MECOM: variants seen among roughly 807,000 people sequenced by gnomAD.
MECOM encodes histone-lysine N-methyltransferase MECOM.
A neutral mutation model predicts 116.3 loss-of-function variants in MECOM; 13 were observed. That is an observed-to-expected ratio of 0.11 (90% CI 0.07 to 0.18). The LOEUF (loss-of-function observed/expected upper bound fraction) is 0.18. Ranked by LOEUF, MECOM falls within the 10% of genes least tolerant of loss-of-function variation. The pLI, the probability that MECOM is intolerant of heterozygous loss-of-function variation, is 1.00. For synonymous variants in MECOM, 528 were observed against 535.2 expected, an observed-to-expected ratio of 0.99 and a Z score of 0.19; for missense variants, 1,299 against 1,509.0, an observed-to-expected ratio of 0.86 and a Z score of 2.31.
rs570553514 is a variant in MECOM at position 169,318,619 on chromosome 3, C to A, written c.375+62568G>T. On this transcript the variant is annotated intron_variant, in intron 2 of 16. Coordinates refer to ENST00000651503, the MANE Select transcript of MECOM (RefSeq NM_004991.4). ...CGATCATTAAGAAGTCAGGAAACGACAGATGCTGGAGAGGATGTGGATAAA... is the reference window on the plus strand; with the variant it reads ...CGATCATTAAGAAGTCAGGAAACGAAAGATGCTGGAGAGGATGTGGATAAA... Among the ~76,000 whole-genome samples, 4 of 152,290 alleles carry A rather than the reference C, an allele frequency of 2.6e-5. No individual in the cohort carries two copies. The South Asian group carries it at 8.3e-4, about 32-fold the overall frequency.
At chr3:169,223,436 T>C (rs558570140) in intron 2 of MECOM, among the ~76,000 whole-genome samples, 51 of 151,964 alleles carry the variant, frequency 3.4e-4, no homozygotes, top group South Asian at 2.1e-4. Context: ...GTTTCTAGCT[T>C]CATCCATGTC....
At chr3:169,220,392 A>C (rs927861776) in intron 2 of MECOM, among the ~76,000 whole-genome samples, 2 of 152,094 alleles carry the variant, frequency 1.3e-5, no homozygotes, top group African/African-American at 2.4e-5. Context: ...CCCTTACCTA[A>C]AATTTCTACC....
At chr3:169,104,436 G>A (rs915171604) in intron 10 of MECOM, among the ~76,000 whole-genome samples, 1 of 152,140 alleles carries the variant, frequency 6.6e-6, no homozygotes, top group African/African-American at 2.4e-5. Context: ...TTTTCTGAGT[G>A]AAAAATGAAC....
rs538240890 is a variant in MECOM at position 169,525,281 on chromosome 3, A to G, written c.37+138055T>C. 1.9e-3 allele frequency among the ~76,000 whole-genome samples: 290 copies of G among 152,370 alleles called. 2 individuals carry two copies. The highest frequency in any genetic ancestry group is 3.5e-3 in the Non-Finnish European group (239 of 68,032). On this transcript the variant is annotated intron_variant, in intron 1 of 16. Coordinates refer to ENST00000651503, the MANE Select transcript of MECOM (RefSeq NM_004991.4). ...TTATTATTGGGTAATGACATTGGAA[A>G]TAAAAAAGTATATAGTATTACAGTA... is the stretch of plus-strand genomic sequence containing the variant.
At chr3:169,460,503 G>T (rs1747261772) in intron 1 of MECOM, among the ~76,000 whole-genome samples, 1 of 152,156 alleles carries the variant, frequency 6.6e-6, no homozygotes, top group African/African-American at 2.4e-5. Context: ...AGATTAGATG[G>T]CATGGACATG....
chr3:169,588,955 C>T (rs1046720253), intron 1 of MECOM, among the ~76,000 whole-genome samples: 1 of 151,986 alleles, frequency 6.6e-6, no homozygotes, highest in Non-Finnish European at 1.5e-5. Flanking sequence ...AAATGAAATA[C>T]ATAGGGTTTT....
At chr3:169,212,414 G>A (rs868616400) in intron 2 of MECOM, among the ~76,000 whole-genome samples, 4 of 149,924 alleles carry the variant, frequency 2.7e-5, no homozygotes, top group Admixed American at 1.3e-4. Flanking sequence ...GACAGAGGCT[G>A]TAATCAGCTG....
At chr3:169,380,701 A>G (rs948761983) in intron 2 of MECOM, among the ~76,000 whole-genome samples, 1 of 152,174 alleles carries the variant, frequency 6.6e-6, no homozygotes, top group African/African-American at 2.4e-5. Context: ...CAGGGTTATC[A>G]AAAGAGAGGC....
chr3:169,476,750 C>T (rs538760417), intron 1 of MECOM: 29 of 152,034 alleles, frequency 1.9e-4, no homozygotes, highest in African/African-American at 6.3e-4. Flanking sequence ...CCCTAATCCA[C>T]ATATTCTTGG....
intron 2 of MECOM, chr3:169,147,794 G>T: frequency 1.1e-6 from 1 of 890,000 alleles, no homozygotes; most frequent in Non-Finnish European, 1.3e-6. Context: ...GGATGGGAGG[G>T]ATGGGGAAGG....
At chr3:169,325,189 A>G (rs1336939864) in intron 2 of MECOM, among the ~76,000 whole-genome samples, 1 of 152,200 alleles carries the variant, frequency 6.6e-6, no homozygotes, top group African/African-American at 2.4e-5. Flanking sequence ...ACAGGAGCAC[A>G]GCTACGGGTC....
At chr3:169,524,805 G>T (rs891317698) in intron 1 of MECOM, among the ~76,000 whole-genome samples, 3 of 152,112 alleles carry the variant, frequency 2.0e-5, no homozygotes, top group Non-Finnish European at 4.4e-5. Context: ...GTTCTGTAAT[G>T]AGATTGAATT....
At chr3:169,627,571 A>G (rs1378249541) in intron 1 of MECOM, among the ~76,000 whole-genome samples, 4 of 152,248 alleles carry the variant, frequency 2.6e-5, no homozygotes, top group Admixed American at 6.5e-5. Flanking sequence ...TTCCTTACAC[A>G]AGGAAAAAAA....
chr3:169,330,509 A>G (rs1722548528), intron 2 of MECOM, among the ~76,000 whole-genome samples: 1 of 152,326 alleles, frequency 6.6e-6, no homozygotes, highest in South Asian at 2.1e-4. Flanking sequence ...ATTAAATATA[A>G]TATTTCCATC....
chr3:169,160,802 T>G (rs1742732920), intron 2 of MECOM, among the ~76,000 whole-genome samples: 1 of 152,022 alleles, frequency 6.6e-6, no homozygotes, highest in East Asian at 1.9e-4. Context: ...CATAAATACA[T>G]ACACCTGCTA....
chr3:169,192,643 T>C (rs1577308940), intron 2 of MECOM, among the ~76,000 whole-genome samples: 2 of 152,032 alleles, frequency 1.3e-5, no homozygotes, highest in African/African-American at 4.8e-5. Context: ...GAGAGTTTAA[T>C]TAAACAAGTC....
chr3:169,410,841 A>G (rs1035700507), intron 1 of MECOM, among the ~76,000 whole-genome samples: 3 of 152,120 alleles, frequency 2.0e-5, no homozygotes, highest in Non-Finnish European at 4.4e-5. Flanking sequence ...ATAATTGACA[A>G]TGCAAAACAT....
intron 2 of MECOM, among the ~76,000 whole-genome samples, chr3:169,256,889 T>C (rs1433458265): frequency 6.6e-6 from 1 of 152,162 alleles, no homozygotes; most frequent in Non-Finnish European, 1.5e-5. Flanking sequence ...AGAGTAGGCA[T>C]AGAGCCATCT....
chr3:169,244,208 C>T (rs1426441446), intron 2 of MECOM, among the ~76,000 whole-genome samples: 1 of 152,220 alleles, frequency 6.6e-6, no homozygotes, highest in African/African-American at 2.4e-5. Context: ...AAACATTTCA[C>T]CCACAGGCAA....
Sources: gnomAD v4.1 joint callset for allele counts (sites outside exome capture counted in the v4.1 genomes callset) on GRCh38, gnomAD v4.1.1 for gene constraint, MANE v1.5 for transcripts, NCBI Gene and HGNC (gene_info 2026-07-23, HGNC 2026-07-21) for gene names.